Variants in HEATR1 observed in about 807,000 individuals in gnomAD.
HEATR1 encodes HEAT repeat-containing protein 1.
Under a neutral mutation model 248.2 loss-of-function variants are expected in HEATR1, and 77 were observed. The observed-to-expected ratio is 0.31, with a 90% CI of 0.26 to 0.37. The LOEUF (loss-of-function observed/expected upper bound fraction) is 0.37. Ranked by LOEUF, HEATR1 falls within the 10% of genes least tolerant of loss-of-function variation. HEATR1 has a pLI of 1.00. For synonymous variants in HEATR1, 897 were observed against 923.1 expected (o/e 0.97, Z 0.51); for missense variants, 2,420 against 2,504.9 (o/e 0.97, Z 0.72).
chr1:236,597,442 G>T (rs934191262), intron 5 of HEATR1, among the ~76,000 whole-genome samples: 10 of 151,790 alleles, frequency 6.6e-5, no homozygotes, highest in African/African-American at 2.2e-4. Flanking sequence ...TAGTAGAGAC[G>T]GTGTTTCACC....
intron 32 of HEATR1, among the ~76,000 whole-genome samples, chr1:236,563,443 G>A (rs924140048): frequency 6.6e-5 from 10 of 151,806 alleles, no homozygotes; most frequent in South Asian, 2.1e-4. Flanking sequence ...CACCACGCCC[G>A]GCTAATTTTT....
chr1:236,571,749 T>C (rs1663433356), intron 26 of HEATR1, 63 bp from the exon 27 acceptor site: 2 of 1,183,720 alleles, frequency 1.7e-6, no homozygotes, highest in Non-Finnish European at 1.3e-6. Context: ...ATTGTTACAT[T>C]AATGGCCATT....
rs1393129357 is a variant in HEATR1 at position 236,592,049 on chromosome 1, T to C, written c.1366A>G (p.Lys456Glu). 2 of 1,609,798 alleles carry C rather than the reference T, an allele frequency of 1.2e-6. No individual in the cohort carries two copies. Among genetic ancestry groups the C allele is most frequent in the Non-Finnish European group, 1.7e-6 (2 of 1,176,762 alleles). Residue 456 changes from lysine to glutamate, a missense_variant, in exon 11 of 45, where the codon AAA (lysine) becomes GAA (glutamate). By Grantham distance (56) the Lys-to-Glu change is moderately conservative. Transcript: ENST00000366582. ...EHLKEIADLKKQELFHQFVSL... is the reference protein window; with the variant it reads ...EHLKEIADLKEQELFHQFVSL... ...ACAAACTGATGGAAAAGCTCTTGTT[T>C]TTTCAGATCTGCAATTTCCTTTAAG...
At chr1:236,594,197 C>A in intron 8 of HEATR1, 83 bp from the exon 9 acceptor site, 1 of 863,656 alleles carries the variant, frequency 1.2e-6, no homozygotes, top group South Asian at 1.7e-5. Context: ...AGCAGAAAAT[C>A]GTTCTCAGAA....
chr1:236,556,314 C>G (rs1360494487), intron 37 of HEATR1, 56 bp from the exon 38 acceptor site: 1 of 1,568,518 alleles, frequency 6.4e-7, no homozygotes, highest in African/African-American at 1.4e-5. Flanking sequence ...CTGACAAACA[C>G]ACACTTACAG....
intron 3 of HEATR1, among the ~76,000 whole-genome samples, chr1:236,600,131 T>TTA (rs1222705328): frequency 7.7e-6 from 1 of 130,268 alleles, no homozygotes; most frequent in African/African-American, 3.2e-5. Context: ...TTTTTTTTTT[T>TTA]TTTTTTTTTT....
chr1:236,559,167 G>C, intron 34 of HEATR1, 32 bp from the exon 35 acceptor site: 1 of 1,499,596 alleles, frequency 6.7e-7, no homozygotes, highest in African/African-American at 1.4e-5. Context: ...AACATGAAAA[G>C]AAAAACAAAT....
At chr1:236,568,902 AAAAAAAAAC>A in intron 29 of HEATR1, 85 bp downstream of exon 29, 1 of 918,628 alleles carries the variant, frequency 1.1e-6, no homozygotes, top group African/African-American at 2.0e-5. Context: ...AAAAAACAAA[AAAAAAAAAC>A]TAAAAAAAAG....
At chr1:236,565,541 T>C (rs1164961376) in intron 31 of HEATR1, among the ~76,000 whole-genome samples, 2 of 152,138 alleles carry the variant, frequency 1.3e-5, no homozygotes, top group Non-Finnish European at 2.9e-5. Context: ...AATTTTAATA[T>C]TTTGCTGCCA....
At position 236,586,284 on chromosome 1, in the gene HEATR1, T is replaced by C; in HGVS notation, c.1884A>G (p.Ser628=). The C allele has an allele frequency of 7.4e-6, 12 of 1,613,332 alleles. No homozygotes were observed. Among genetic ancestry groups the C allele is most frequent in the Non-Finnish European group, 5.1e-6 (6 of 1,179,612 alleles). Residue 628 remains serine, a synonymous_variant, in exon 15 of 45, where the codon TCA becomes TCG. Transcript: ENST00000366582. ...ATAGAGGGTGCAGGGAGCAGATTCC[T>C]GATTTTGATAAATATATAGCAATTT... ...EMKIAIYLSK[S]GICSLHPLLR...
chr1:236,564,340 C>T (rs568921258), intron 32 of HEATR1, among the ~76,000 whole-genome samples, 158 bp downstream of exon 32: 8 of 152,276 alleles, frequency 5.3e-5, no homozygotes, highest in South Asian at 2.1e-4. Context: ...TCATGACGAA[C>T]GGCTTTTCAT....
chr1:236,564,634 T>A lies in HEATR1; in HGVS notation c.4463A>T (p.Asn1488Ile). The A allele has an allele frequency of 1.9e-6, 3 of 1,613,058 alleles. No individual in the cohort carries two copies. The highest frequency in any genetic ancestry group is 2.5e-6 in the Non-Finnish European group (3 of 1,179,820). ...CATTTCTTCTTGTGATTCACTCTTA[T>A]TAAATGACACTGCTTTGGGAATGGT... ...EETIPKAVSF[N>I]KSESQEEMLQ... Residue 1488 changes from asparagine (N) to isoleucine (I), a missense_variant, in exon 32 of 45, where the codon AAT (asparagine) becomes ATT (isoleucine). Asn to Ile is a moderately radical substitution (Grantham distance 149). Coordinates refer to ENST00000366582, the MANE Select transcript of HEATR1 (RefSeq NM_018072.6).
chr1:236,563,612 A>C (rs1281784955), intron 32 of HEATR1, among the ~76,000 whole-genome samples: 1 of 152,146 alleles, frequency 6.6e-6, no homozygotes, highest in African/African-American at 2.4e-5. Flanking sequence ...GAATTATTTC[A>C]CTGTGAAATG....
Position 236,558,245 on chromosome 1 carries a change from C to T in HEATR1, c.5196G>A (p.Gln1732=). 1 of 1,611,108 alleles carries T rather than the reference C, an allele frequency of 6.2e-7. No homozygotes were observed. Among genetic ancestry groups the T allele is most frequent in the Non-Finnish European group, 8.5e-7 (1 of 1,178,410 alleles). The change falls in exon 36 of 45, where the codon CAG becomes CAA. Residue 1732 remains glutamine, a synonymous_variant. Coordinates refer to ENST00000366582, the MANE Select transcript of HEATR1 (RefSeq NM_018072.6). ...TSTLEALAIP[Q]LPSLMPSLLT... ...AGTCTCCGGCCGCATACCTGGGAAG[C>T]TGGGGGATGGCCAGCGCCTCCAGGG...
At chr1:236,572,215 T>C (rs963985595) in intron 26 of HEATR1, among the ~76,000 whole-genome samples, 196 bp downstream of exon 26, 4 of 152,204 alleles carry the variant, frequency 2.6e-5, no homozygotes, top group Non-Finnish European at 4.4e-5. Context: ...ATTTACTACA[T>C]GACACAGGAC....
chr1:236,589,284 AATTT>A (rs1400745906), intron 12 of HEATR1, among the ~76,000 whole-genome samples: 5 of 152,208 alleles, frequency 3.3e-5, no homozygotes, highest in Non-Finnish European at 7.4e-5. Flanking sequence ...TTATTCAATG[AATTT>A]ATTTAACATA....
intron 30 of HEATR1, 78 bp from the exon 31 acceptor site, chr1:236,566,123 G>A: frequency 5.7e-6 from 8 of 1,404,408 alleles, no homozygotes; most frequent in Non-Finnish European, 7.8e-6. Context: ...TGTGCGTTAG[G>A]ATTTCTAGCA....
In HEATR1 at chr1:236,555,397, T is replaced by C. The variant is rs1295560317; in HGVS notation, c.5822A>G (p.Asp1941Gly). Residue 1941 changes from aspartate (D) to glycine (G), a missense_variant, in exon 41 of 45, where the codon GAT becomes GGT. Asp to Gly is a moderately conservative substitution (Grantham distance 94). Coordinates refer to ENST00000366582, the MANE Select transcript of HEATR1 (RefSeq NM_018072.6). ...CCCTTTCAGCTTTTCAGCAATGCAATCTGCCAAGTTGTAAAATGTCAACAA... is the reference window on the plus strand; with the variant it reads ...CCCTTTCAGCTTTTCAGCAATGCAACCTGCCAAGTTGTAAAATGTCAACAA... ...DRLLTFYNLA[D>G]CIAEKLKGLF... The C allele has an allele frequency of 6.2e-7, 1 of 1,614,208 alleles. No individual in the cohort carries two copies. The highest frequency in any genetic ancestry group is 1.1e-5 in the South Asian group (1 of 91,090).
Position 236,574,852 on chromosome 1 carries a change from G to C in HEATR1, c.3136C>G (p.Gln1046Glu). ...PMAEQLLEKI[Q>E]KEPTAVLKDE... is the part of the protein sequence containing the mutation. ...TTCAGCACAGCTGTGGGCTCCTTCT[G>C]GATCTTTTCTAGCAGTTGTTCAGCC... Residue 1046 changes from glutamine (Q) to glutamate (E), a missense_variant, in exon 23 of 45, where the codon CAG becomes GAG. Coordinates refer to ENST00000366582, the MANE Select transcript of HEATR1 (RefSeq NM_018072.6). 1 of 1,613,808 alleles carries C rather than the reference G, an allele frequency of 6.2e-7. No homozygotes were observed. The highest frequency in any genetic ancestry group is 8.5e-7 in the Non-Finnish European group (1 of 1,179,776).
Sources: allele counts gnomAD v4.1 joint callset (sites outside exome capture counted in the v4.1 genomes callset), GRCh38; gene constraint gnomAD v4.1.1; transcripts MANE v1.5; gene names NCBI Gene and HGNC (gene_info 2026-07-23, HGNC 2026-07-21).